Variants in ATP6V0E1 observed in about 807,000 individuals in gnomAD.
ATP6V0E1 encodes the protein ATPase H+ transporting V0 subunit e1.
Under a neutral mutation model 11.6 loss-of-function variants are expected in ATP6V0E1, and 4 were observed. That is an observed-to-expected ratio of 0.35 (90% CI 0.17 to 0.79). The LOEUF (loss-of-function observed/expected upper bound fraction) is 0.79. Ranked by LOEUF, ATP6V0E1 falls within the 30% of genes least tolerant of loss-of-function variation. The pLI, the probability that ATP6V0E1 is intolerant of heterozygous loss-of-function variation, is 0.54. For synonymous variants in ATP6V0E1, 36 were observed against 34.8 expected (o/e 1.04, Z -0.13); for missense variants, 105 against 100.0 (o/e 1.05, Z -0.21).
At chr5:173,002,937 G>C (rs993411941) in intron 2 of ATP6V0E1, among the ~76,000 whole-genome samples, 2 of 151,898 alleles carry the variant, frequency 1.3e-5, no homozygotes, top group East Asian at 3.9e-4. Flanking sequence ...TGTAGTCCCA[G>C]CTACTTGGGA....
At chr5:173,021,032 T>C (rs148986343) in intron 3 of ATP6V0E1, 15 of 432,682 alleles carry the variant, frequency 3.5e-5, no homozygotes, top group African/African-American at 3.0e-4. Flanking sequence ...GTAATTTATA[T>C]TTGGCTCGCA....
chr5:172,987,282 C>CTT (rs200416452), intron 1 of ATP6V0E1: 4 of 145,270 alleles, frequency 2.8e-5, no homozygotes, highest in South Asian at 2.2e-4. Flanking sequence ...CCTGCTATAA[C>CTT]TTTTTTTTTT....
intron 2 of ATP6V0E1, among the ~76,000 whole-genome samples, chr5:173,006,463 A>C (rs1756231736): frequency 6.6e-6 from 1 of 152,038 alleles, no homozygotes; most frequent in Non-Finnish European, 1.5e-5. Context: ...ACAAAAAATT[A>C]GCCAGGCGTG....
chr5:173,029,863 T>A (rs1375331376), intron 3 of ATP6V0E1, among the ~76,000 whole-genome samples: 1 of 152,154 alleles, frequency 6.6e-6, no homozygotes, highest in Non-Finnish European at 1.5e-5. Context: ...GTCAAGGCCT[T>A]CCCTCCCCAG....
intron 3 of ATP6V0E1, among the ~76,000 whole-genome samples, chr5:173,026,562 C>A (rs1205834636): frequency 6.6e-6 from 1 of 152,152 alleles, no homozygotes; most frequent in Admixed American, 6.5e-5. Flanking sequence ...TGTTACAGAA[C>A]AGATATCAGC....
chr5:172,995,557 C>T (rs1474546946), intron 2 of ATP6V0E1, among the ~76,000 whole-genome samples: 1 of 152,114 alleles, frequency 6.6e-6, no homozygotes, highest in African/African-American at 2.4e-5. Context: ...TTTAACAATT[C>T]ATTGTAAGCT....
At chr5:173,007,584 T>C (rs1376027543) in intron 2 of ATP6V0E1, among the ~76,000 whole-genome samples, 1 of 152,182 alleles carries the variant, frequency 6.6e-6, no homozygotes, top group Non-Finnish European at 1.5e-5. Context: ...CTTTTGCGGA[T>C]TAGGTAGCCA....
rs9968683 is a variant in ATP6V0E1, at chr5:172,992,938, C to T, written c.105-1837C>T. 4.9e-3 allele frequency among the ~76,000 whole-genome samples: 753 copies of T among 152,202 alleles called. 8 individuals carry two copies. The highest frequency in any genetic ancestry group is 0.017 in the African/African-American group (716 of 41,534). ...TCAGCCTCCTGAGCAGCTGGGATTA[C>T]AGGCGAGCACCACCACGCCCAGCTA... On this transcript the variant is annotated intron_variant, in intron 1 of 3. Coordinates refer to ENST00000519374, the MANE Select transcript of ATP6V0E1 (RefSeq NM_003945.4).
Position 172,983,919 on chromosome 5 carries a change from T to C in ATP6V0E1, c.59T>C (p.Val20Ala). Reference sequence around the variant, plus strand: ...GTGATGAGCGTGTTCTGGGGCTTCGTCGGCTTCTTGGTGCCTTGGTTCATC... The same window carrying C: ...GTGATGAGCGTGTTCTGGGGCTTCGCCGGCTTCTTGGTGCCTTGGTTCATC... ...LIVMSVFWGF[V>A]GFLVPWFIPK... The change falls in exon 1 of 4, where the codon GTC (valine) becomes GCC (alanine). Residue 20 changes from valine to alanine, a missense_variant. Coordinates refer to ENST00000519374, the MANE Select transcript of ATP6V0E1 (RefSeq NM_003945.4). 3 of 1,613,358 alleles carry C rather than the reference T, an allele frequency of 1.9e-6. No individual in the cohort carries two copies. Among genetic ancestry groups the C allele is most frequent in the African/African-American group, 1.3e-5 (1 of 75,020 alleles).
chr5:172,997,583 G>T (rs1266691307), intron 2 of ATP6V0E1, among the ~76,000 whole-genome samples: 1 of 152,118 alleles, frequency 6.6e-6, no homozygotes, highest in Admixed American at 6.6e-5. Context: ...GCCGAGGCGG[G>T]CGGATCACGA....
chr5:173,014,160 T>TAAAAAAAAAAAAAAAAAA (rs757466248), intron 2 of ATP6V0E1, among the ~76,000 whole-genome samples: 1 of 67,826 alleles, frequency 1.5e-5, no homozygotes. Context: ...GACTCCATCT[T>TAAAAAAAAAAAAAAAAAA]AAAAAAAAAA....
At chr5:172,992,787 G>GT (rs905441002) in intron 1 of ATP6V0E1, among the ~76,000 whole-genome samples, 37 of 151,710 alleles carry the variant, frequency 2.4e-4, no homozygotes, top group Admixed American at 5.9e-4. Flanking sequence ...TGAGGCAGTG[G>GT]TTTTTTTTGT....
At chr5:173,009,615 C>A (rs993548821) in intron 2 of ATP6V0E1, among the ~76,000 whole-genome samples, 1 of 150,790 alleles carries the variant, frequency 6.6e-6, no homozygotes, top group Non-Finnish European at 1.5e-5. Context: ...CAGGCGTGCA[C>A]CACCACGCCC....
intron 2 of ATP6V0E1, among the ~76,000 whole-genome samples, chr5:173,001,341 C>T (rs1411309800): frequency 6.6e-6 from 1 of 152,158 alleles, no homozygotes; most frequent in Non-Finnish European, 1.5e-5. Flanking sequence ...TTCCCCCATC[C>T]ACTCATTTCC....
intron 3 of ATP6V0E1, chr5:173,020,625 CT>C: frequency 1.9e-6 from 1 of 532,556 alleles, no homozygotes. Flanking sequence ...CTTGCATGCA[CT>C]CTTTCAGACG....
chr5:173,013,056 C>T (rs780838485), intron 2 of ATP6V0E1, among the ~76,000 whole-genome samples: 39 of 152,044 alleles, frequency 2.6e-4, no homozygotes, highest in Non-Finnish European at 2.6e-4. Flanking sequence ...TGCTTGTGGT[C>T]CAAGCTACTC....
At chr5:172,989,759 C>T (rs918618783) in intron 1 of ATP6V0E1, among the ~76,000 whole-genome samples, 2 of 152,128 alleles carry the variant, frequency 1.3e-5, no homozygotes, top group Non-Finnish European at 2.9e-5. Context: ...AACTCCTGAC[C>T]TCAGGCGATG....
At chr5:173,008,648 A>G (rs1457238772) in intron 2 of ATP6V0E1, among the ~76,000 whole-genome samples, 21 of 145,790 alleles carry the variant, frequency 1.4e-4, no homozygotes, top group African/African-American at 3.2e-4. Context: ...GGTGGCTCAC[A>G]CCTGTAATCC....
chr5:172,998,109 CAA>C (rs544533960), intron 2 of ATP6V0E1, among the ~76,000 whole-genome samples: 3 of 121,092 alleles, frequency 2.5e-5, no homozygotes. Context: ...TACCCTGTCT[CAA>C]AAAAAAAAAA....
Sources: allele counts gnomAD v4.1 joint callset (sites outside exome capture counted in the v4.1 genomes callset), GRCh38; gene constraint gnomAD v4.1.1; transcripts MANE v1.5; gene names NCBI Gene and HGNC (gene_info 2026-07-23, HGNC 2026-07-21).